Variants in CACNA2D3 observed in about 807,000 individuals in gnomAD.
The protein encoded by CACNA2D3 is calcium voltage-gated channel auxiliary subunit alpha2delta 3.
A neutral mutation model predicts 160.6 loss-of-function variants in CACNA2D3; 60 were observed. The observed-to-expected ratio is 0.37, with a 90% CI of 0.30 to 0.46. CACNA2D3 has a LOEUF of 0.46. CACNA2D3 is among the 20% of genes least tolerant of loss of function. The pLI is 1.00. For missense variants in CACNA2D3, 1,205 were observed against 1,365.0 expected (o/e 0.88, Z 1.85); for synonymous variants, 558 against 492.9 (o/e 1.13, Z -1.75).
rs114835388 is a variant in CACNA2D3 at position 54,755,459 on chromosome 3, C to T, written c.1246+2782C>T. ...CAGTCTTTTAAGCAAGGCTCAATTT[C>T]CTCATCTACAAAAGGAAGGGCTGCA... On this transcript the variant is annotated intron_variant, in intron 12 of 37. Coordinates refer to ENST00000474759, the MANE Select transcript of CACNA2D3 (RefSeq NM_018398.3). Among the ~76,000 whole-genome samples, 840 of 152,262 alleles carry T rather than the reference C, an allele frequency of 5.5e-3. 3 individuals carry two copies. The highest frequency in any genetic ancestry group is 0.019 in the African/African-American group (786 of 41,546).
At chr3:54,511,384 G>A (rs1701456704) in intron 5 of CACNA2D3, among the ~76,000 whole-genome samples, 2 of 152,186 alleles carry the variant, frequency 1.3e-5, no homozygotes, top group African/African-American at 4.8e-5. Flanking sequence ...CATAGCAGAG[G>A]ACCTGGAATA....
At chr3:54,808,627 T>C (rs1349669585) in intron 13 of CACNA2D3, among the ~76,000 whole-genome samples, 1 of 152,118 alleles carries the variant, frequency 6.6e-6, no homozygotes, top group East Asian at 1.9e-4. Context: ...GCCTCTTACC[T>C]AGGGCAAGGG....
At chr3:54,276,944 A>G (rs1306120561) in intron 2 of CACNA2D3, among the ~76,000 whole-genome samples, 1 of 152,210 alleles carries the variant, frequency 6.6e-6, no homozygotes, top group Non-Finnish European at 1.5e-5. Flanking sequence ...ATGAGGGTTG[A>G]TGAGCTATGG....
intron 11 of CACNA2D3, among the ~76,000 whole-genome samples, chr3:54,646,226 C>T: frequency 2.5e-5 from 3 of 119,564 alleles, no homozygotes; most frequent in Non-Finnish European, 3.4e-5. Flanking sequence ...TTCCTTCCTT[C>T]CTTCCTTCCT....
chr3:54,921,834 T>C (rs201351782), intron 27 of CACNA2D3, among the ~76,000 whole-genome samples: 2 of 152,214 alleles, frequency 1.3e-5, no homozygotes, highest in Non-Finnish European at 2.9e-5. Flanking sequence ...TTATTGCATA[T>C]ATAACTAAAG....
intron 9 of CACNA2D3, among the ~76,000 whole-genome samples, chr3:54,595,244 C>G (rs1008537928): frequency 6.6e-6 from 1 of 151,848 alleles, no homozygotes; most frequent in Non-Finnish European, 1.5e-5. Flanking sequence ...GGGAATCTCT[C>G]GAGGTTGTTT....
chr3:54,255,751 T>C (rs948381500), intron 2 of CACNA2D3, among the ~76,000 whole-genome samples: 1 of 152,168 alleles, frequency 6.6e-6, no homozygotes, highest in Non-Finnish European at 1.5e-5. Context: ...TTTGCTTATG[T>C]TGTTTACTCT....
At chr3:54,919,229 T>G (rs983063355) in intron 27 of CACNA2D3, among the ~76,000 whole-genome samples, 2 of 152,220 alleles carry the variant, frequency 1.3e-5, no homozygotes, top group Non-Finnish European at 2.9e-5. Flanking sequence ...AGCTGCCCAC[T>G]GCATTCGTGC....
Position 54,287,253 on chromosome 3 carries a change from A to G in CACNA2D3, c.205-33189A>G, listed in dbSNP as rs571593135. Among the ~76,000 whole-genome samples the G allele has an allele frequency of 3.9e-5, 6 of 152,290 alleles. No individual in the cohort carries two copies. In the South Asian group the frequency reaches 6.2e-4, roughly 16 times the overall value. ...GGAAGATATACCAAGCAAATGGAAAACAAAAAAAGGCAGGGGTTGCAATCC... is the reference window on the plus strand; with the variant it reads ...GGAAGATATACCAAGCAAATGGAAAGCAAAAAAAGGCAGGGGTTGCAATCC... On this transcript the variant is annotated intron_variant, in intron 2 of 37. Transcript: ENST00000474759.
chr3:54,975,737 A>T (rs1043111467), intron 29 of CACNA2D3, among the ~76,000 whole-genome samples: 5 of 151,844 alleles, frequency 3.3e-5, no homozygotes, highest in African/African-American at 1.2e-4. Flanking sequence ...TCTTCCATAG[A>T]TTATTCTGTA....
chr3:54,195,909 C>T (rs1357772581), intron 2 of CACNA2D3, among the ~76,000 whole-genome samples: 1 of 152,192 alleles, frequency 6.6e-6, no homozygotes, highest in Non-Finnish European at 1.5e-5. Context: ...GAAGCTAGAA[C>T]CTAATCTAAA....
At chr3:54,636,451 G>A (rs942406143) in intron 10 of CACNA2D3, among the ~76,000 whole-genome samples, 1 of 152,014 alleles carries the variant, frequency 6.6e-6, no homozygotes, top group Non-Finnish European at 1.5e-5. Context: ...GGAGCAGAAA[G>A]CATATGCGTC....
At chr3:54,827,731 C>T (rs1234929694) in intron 14 of CACNA2D3, among the ~76,000 whole-genome samples, 1 of 152,124 alleles carries the variant, frequency 6.6e-6, no homozygotes, top group East Asian at 1.9e-4. Context: ...CAGAGTCTTG[C>T]CTGAATTCTG....
chr3:54,386,398 T>A (rs1699186613), intron 3 of CACNA2D3, among the ~76,000 whole-genome samples: 1 of 152,252 alleles, frequency 6.6e-6, no homozygotes, highest in Non-Finnish European at 1.5e-5. Flanking sequence ...TGCACTATGC[T>A]AGGTGGGTTT....
At chr3:54,575,451 A>T (rs924790769) in intron 8 of CACNA2D3, among the ~76,000 whole-genome samples, 8 of 151,854 alleles carry the variant, frequency 5.3e-5, no homozygotes, top group Admixed American at 5.2e-4. Flanking sequence ...AGTCCTTTCC[A>T]TCAGTGATCT....
intron 3 of CACNA2D3, among the ~76,000 whole-genome samples, chr3:54,373,813 C>T (rs1046199613): frequency 5.9e-5 from 9 of 152,252 alleles, no homozygotes; most frequent in South Asian, 2.1e-4. Context: ...ACCTTCATTG[C>T]TATGAGCATG....
intron 4 of CACNA2D3, among the ~76,000 whole-genome samples, chr3:54,414,627 A>G (rs1699724525): frequency 6.6e-6 from 1 of 152,038 alleles, no homozygotes; most frequent in Admixed American, 6.5e-5. Context: ...CAACTTGGAA[A>G]AACTCCTATA....
intron 4 of CACNA2D3, among the ~76,000 whole-genome samples, chr3:54,442,398 G>T (rs1161204043): frequency 6.6e-6 from 1 of 152,124 alleles, no homozygotes; most frequent in Non-Finnish European, 1.5e-5. Context: ...TGTGCTTGGA[G>T]GTGTAGCAGC....
intron 6 of CACNA2D3, among the ~76,000 whole-genome samples, chr3:54,567,933 G>A (rs946085694): frequency 6.6e-6 from 1 of 152,206 alleles, no homozygotes; most frequent in Non-Finnish European, 1.5e-5. Context: ...TTCCTGAAGT[G>A]GAGAGAAAAG....
Sources: allele counts gnomAD v4.1 joint callset (sites outside exome capture counted in the v4.1 genomes callset), GRCh38; gene constraint gnomAD v4.1.1; transcripts MANE v1.5; gene names NCBI Gene and HGNC (gene_info 2026-07-23, HGNC 2026-07-21).